Variants in ABCE1 observed in about 807,000 individuals in gnomAD.
ABCE1 encodes the protein ATP-binding cassette sub-family E member 1.
A neutral mutation model predicts 83.4 loss-of-function variants in ABCE1; 22 were observed. The ratio of observed to expected loss-of-function variants is 0.26; its 90% CI spans 0.19 to 0.38. The LOEUF (loss-of-function observed/expected upper bound fraction) is 0.38. ABCE1 is among the 10% of genes least tolerant of loss of function. The probability of loss-of-function intolerance (pLI) is 1.00; values close to 1 mark genes in which losing one functional copy is unlikely to be tolerated. For synonymous variants in ABCE1, 204 were observed against 233.7 expected (o/e 0.87, Z 1.16); for missense variants, 330 against 721.9 (o/e 0.46, Z 6.22).
intron 1 of ABCE1, among the ~76,000 whole-genome samples, chr4:145,103,033 G>A (rs1418403647): frequency 6.6e-6 from 1 of 151,944 alleles, no homozygotes; most frequent in East Asian, 1.9e-4. Context: ...AGTTAACAGG[G>A]GCTGAAATCT....
intron 5 of ABCE1, 60 bp from the exon 6 acceptor site, chr4:145,110,043 A>T: frequency 7.1e-7 from 1 of 1,402,732 alleles, no homozygotes. Flanking sequence ...TGTAGCATTC[A>T]TCCTCTTTGT....
intron 1 of ABCE1, among the ~76,000 whole-genome samples, chr4:145,103,259 T>C (rs145421713): frequency 6.6e-6 from 1 of 152,186 alleles, no homozygotes; most frequent in East Asian, 1.9e-4. Context: ...AAAAATAAAA[T>C]AAAATCAAGA....
At chr4:145,120,302 A>G (rs769216294) in intron 11 of ABCE1, 149 bp downstream of exon 11, 4 of 672,540 alleles carry the variant, frequency 5.9e-6, no homozygotes, top group Non-Finnish European at 9.8e-6. Flanking sequence ...GTACTTTCAC[A>G]TTTTTTTGGC....
intron 9 of ABCE1, among the ~76,000 whole-genome samples, chr4:145,114,138 G>T (rs1015866744): frequency 6.6e-6 from 1 of 152,090 alleles, no homozygotes; most frequent in African/African-American, 2.4e-5. Flanking sequence ...TCTCATGTGA[G>T]CCAAATAGAA....
chr4:145,124,707 A>G (rs1749830058), intron 16 of ABCE1, among the ~76,000 whole-genome samples: 1 of 152,144 alleles, frequency 6.6e-6, no homozygotes, highest in South Asian at 2.1e-4. Flanking sequence ...CTGTTTTTCT[A>G]AAGTAGTACT....
chr4:145,111,109 A>C, intron 8 of ABCE1, 45 bp downstream of exon 8: 2 of 1,335,570 alleles, frequency 1.5e-6, no homozygotes, highest in Non-Finnish European at 2.1e-6. Flanking sequence ...CGTATTGTAG[A>C]GTTTTCAGTT....
At chr4:145,118,881 C>G (rs867469788) in intron 10 of ABCE1, among the ~76,000 whole-genome samples, 1 of 151,736 alleles carries the variant, frequency 6.6e-6, no homozygotes, top group African/African-American at 2.4e-5. Flanking sequence ...TAAAGACTGA[C>G]TTGCTGTGTT....
Position 145,122,656 on chromosome 4 carries a change from T to A in ABCE1, c.1264-365T>A, listed in dbSNP as rs59571921. On this transcript the variant is annotated intron_variant, in intron 13 of 17. Coordinates refer to ENST00000296577, the MANE Select transcript of ABCE1 (RefSeq NM_002940.3). ...AACAGATTCCGCCTCCACAAAAACTTAAAAATTGGTTCAGCATGGTGGTGC... is the reference window on the plus strand; with the variant it reads ...AACAGATTCCGCCTCCACAAAAACTAAAAAATTGGTTCAGCATGGTGGTGC... 3.9e-3 allele frequency: 611 copies of A among 157,648 alleles called. 7 individuals carry two copies. The highest frequency in any genetic ancestry group is 0.014 in the African/African-American group (564 of 41,592). 9.8% of individuals were successfully genotyped at this position (157,648 alleles called of 1,614,324 possible). A position where few individuals can be genotyped will look rare whatever the true frequency, so the allele number is the denominator to read the frequency against.
At chr4:145,102,880 G>A (rs1231986949) in intron 1 of ABCE1, among the ~76,000 whole-genome samples, 7 of 152,104 alleles carry the variant, frequency 4.6e-5, no homozygotes, top group Admixed American at 1.3e-4. Flanking sequence ...TAAGGTCTAG[G>A]ATGTAACCAG....
At chr4:145,125,320 T>G (rs1749850985) in intron 17 of ABCE1, among the ~76,000 whole-genome samples, 1 of 152,018 alleles carries the variant, frequency 6.6e-6, no homozygotes, top group Admixed American at 6.6e-5. Context: ...ATGCAAAAAT[T>G]AGCCGAGTCT....
chr4:145,106,880 A>G (rs1470617000), intron 3 of ABCE1, among the ~76,000 whole-genome samples: 1 of 152,164 alleles, frequency 6.6e-6, no homozygotes, highest in Non-Finnish European at 1.5e-5. Context: ...ATTAGAAAAC[A>G]AGAGTAATTA....
At chr4:145,123,427 C>A (rs1749795977) in intron 15 of ABCE1, 51 bp from the exon 16 acceptor site, 3 of 1,586,488 alleles carry the variant, frequency 1.9e-6, no homozygotes, top group South Asian at 1.1e-5. Flanking sequence ...ATATAACAGT[C>A]GAATGTTTTA....
At chr4:145,127,441 C>A in intron 17 of ABCE1, 85 bp from the exon 18 acceptor site, 1 of 1,214,404 alleles carries the variant, frequency 8.2e-7, no homozygotes, top group Non-Finnish European at 1.2e-6. Flanking sequence ...TTAAGCACAG[C>A]TAAGTAATAC....
intron 10 of ABCE1, among the ~76,000 whole-genome samples, chr4:145,118,217 C>T (rs1421277409): frequency 3.3e-5 from 5 of 150,414 alleles, no homozygotes; most frequent in African/African-American, 9.7e-5. Context: ...GCCTGTAGTT[C>T]CCTAAGAGGT....
At chr4:145,126,032 C>G (rs965065158) in intron 17 of ABCE1, among the ~76,000 whole-genome samples, 2 of 152,076 alleles carry the variant, frequency 1.3e-5, no homozygotes, top group Non-Finnish European at 2.9e-5. Context: ...CAGAGCGAGT[C>G]TCTGTCCCTG....
At chr4:145,101,705 G>C (rs1451225600) in intron 1 of ABCE1, among the ~76,000 whole-genome samples, 1 of 152,170 alleles carries the variant, frequency 6.6e-6, no homozygotes, top group African/African-American at 2.4e-5. Flanking sequence ...GCTGTTATTA[G>C]GTGGAAAAGA....
At chr4:145,121,440 GC>G (rs1749742312) in intron 13 of ABCE1, 49 bp downstream of exon 13, 1 of 1,338,492 alleles carries the variant, frequency 7.5e-7, no homozygotes, top group Non-Finnish European at 1.1e-6. Context: ...TTGTATATAT[GC>G]CTATAGCTTT....
chr4:145,104,580 A>C, intron 2 of ABCE1, 65 bp downstream of exon 2: 4 of 1,086,956 alleles, frequency 3.7e-6, no homozygotes, highest in Non-Finnish European at 3.8e-6. Flanking sequence ...CTGGTTTGAT[A>C]ATTCTTTACG....
chr4:145,124,315 G>T (rs1353307755), intron 16 of ABCE1, among the ~76,000 whole-genome samples: 1 of 151,600 alleles, frequency 6.6e-6, no homozygotes, highest in African/African-American at 2.4e-5. Flanking sequence ...ATTCATCTAA[G>T]AAATAAAAGT....
Sources: gnomAD v4.1 joint callset for allele counts (sites outside exome capture counted in the v4.1 genomes callset) on GRCh38, gnomAD v4.1.1 for gene constraint, MANE v1.5 for transcripts, NCBI Gene and HGNC (gene_info 2026-07-23, HGNC 2026-07-21) for gene names.